The following C8orf34 variants were observed in gnomAD, a reference collection of about 807,000 sequenced individuals.
C8orf34 encodes the protein chromosome 8 open reading frame 34, also known as uncharacterized protein C8orf34.
In C8orf34, 65 loss-of-function variants were observed where a neutral mutation model predicts 68.3. The observed-to-expected ratio is 0.95, with a 90% CI of 0.78 to 1.17. C8orf34 has a LOEUF of 1.17. Among genes scored for constraint, C8orf34 ranks in the 50% most tolerant of loss-of-function variants. The pLI is 0.00. For missense variants in C8orf34, 664 were observed against 655.4 expected (o/e 1.01, Z -0.14); for synonymous variants, 244 against 241.2 (o/e 1.01, Z -0.11).
chr8:68,444,849 T>C (rs963020742), intron 2 of C8orf34, among the ~76,000 whole-genome samples: 2 of 152,182 alleles, frequency 1.3e-5, no homozygotes, highest in African/African-American at 2.4e-5. Flanking sequence ...TTAATATTCC[T>C]TTATATAAAG....
chr8:68,813,404 C>T (rs1170508732), intron 12 of C8orf34, among the ~76,000 whole-genome samples: 1 of 151,840 alleles, frequency 6.6e-6, no homozygotes, highest in East Asian at 1.9e-4. Context: ...TCCTTGGCCA[C>T]CCTCCCTTGC....
intron 10 of C8orf34, among the ~76,000 whole-genome samples, chr8:68,766,605 A>T (rs917371369): frequency 6.6e-6 from 1 of 152,188 alleles, no homozygotes; most frequent in Non-Finnish European, 1.5e-5. Flanking sequence ...AATAAGGAAT[A>T]CCACTTTATC....
chr8:68,789,710 G>GA (rs1237837225), intron 12 of C8orf34, among the ~76,000 whole-genome samples: 1 of 151,996 alleles, frequency 6.6e-6, no homozygotes, highest in Non-Finnish European at 1.5e-5. Flanking sequence ...AAATGAATGA[G>GA]AAAATGAATG....
At chr8:68,400,540 G>T (rs1303712243) in intron 1 of C8orf34, among the ~76,000 whole-genome samples, 1 of 151,974 alleles carries the variant, frequency 6.6e-6, no homozygotes, top group Non-Finnish European at 1.5e-5. Context: ...CAGTTCTGTT[G>T]ATCTATGTGT....
chr8:68,730,064 G>T (rs1303411095), intron 10 of C8orf34, among the ~76,000 whole-genome samples: 1 of 152,132 alleles, frequency 6.6e-6, no homozygotes, highest in Non-Finnish European at 1.5e-5. Flanking sequence ...TTCTTGCAAT[G>T]TCCATCTATA....
intron 7 of C8orf34, among the ~76,000 whole-genome samples, chr8:68,581,539 A>T (rs1316199419): frequency 1.3e-5 from 2 of 152,094 alleles, no homozygotes; most frequent in Non-Finnish European, 2.9e-5. Context: ...AACTCCATTG[A>T]GTGCTAACAA....
intron 7 of C8orf34, among the ~76,000 whole-genome samples, chr8:68,614,199 A>G (rs1175546708): frequency 6.6e-6 from 1 of 152,060 alleles, no homozygotes; most frequent in Non-Finnish European, 1.5e-5. Flanking sequence ...GCCCTTTGTC[A>G]GATGAGTAGG....
At chr8:68,545,378 T>C (rs1160064502) in intron 7 of C8orf34, among the ~76,000 whole-genome samples, 2 of 152,162 alleles carry the variant, frequency 1.3e-5, no homozygotes, top group African/African-American at 4.8e-5. Flanking sequence ...TTTTTCTTTT[T>C]ATAAATTACC....
rs549515709 is a variant in C8orf34, at chr8:68,407,973, C to T, written c.328-31526C>T. On this transcript the variant is annotated intron_variant, in intron 1 of 13. Coordinates refer to ENST00000518698, the MANE Select transcript of C8orf34 (RefSeq NM_052958.4). ...CCCACTGAGCTGGTGTCCCCATCCC[C>T]GGGCCATGGACTGTTACAGGTCCAT... is the stretch of plus-strand genomic sequence containing the variant. Among the ~76,000 whole-genome samples the T allele has an allele frequency of 4.6e-5, 7 of 152,200 alleles. No individual in the cohort carries two copies. In the South Asian group the frequency reaches 6.2e-4, roughly 14 times the overall value.
At chr8:68,672,574 C>T (rs555291159) in intron 8 of C8orf34, among the ~76,000 whole-genome samples, 68 of 152,302 alleles carry the variant, frequency 4.5e-4, no homozygotes, top group South Asian at 1.7e-3. Flanking sequence ...GCATTTAGAC[C>T]AGCCCTAGCT....
At chr8:68,611,842 A>G (rs1818033192) in intron 7 of C8orf34, among the ~76,000 whole-genome samples, 1 of 152,196 alleles carries the variant, frequency 6.6e-6, no homozygotes, top group African/African-American at 2.4e-5. Context: ...ACAAACAACA[A>G]GCAGTGAGCA....
At chr8:68,591,158 A>C (rs1359469928) in intron 7 of C8orf34, among the ~76,000 whole-genome samples, 1 of 152,154 alleles carries the variant, frequency 6.6e-6, no homozygotes, top group Non-Finnish European at 1.5e-5. Flanking sequence ...ATATGGCATG[A>C]AAGGGTCTAA....
At chr8:68,561,983 T>A (rs1816445683) in intron 7 of C8orf34, among the ~76,000 whole-genome samples, 1 of 152,280 alleles carries the variant, frequency 6.6e-6, no homozygotes, top group South Asian at 2.1e-4. Context: ...ACAGTAAATT[T>A]TTTTTAACTA....
At chr8:68,434,207 G>A (rs190590586) in intron 1 of C8orf34, among the ~76,000 whole-genome samples, 36 of 152,200 alleles carry the variant, frequency 2.4e-4, no homozygotes, top group South Asian at 1.5e-3. Flanking sequence ...TTCATGTGCC[G>A]TGGTGATTTG....
At chr8:68,608,272 A>G (rs1381612812) in intron 7 of C8orf34, among the ~76,000 whole-genome samples, 1 of 151,996 alleles carries the variant, frequency 6.6e-6, no homozygotes, top group Non-Finnish European at 1.5e-5. Context: ...CTCTAGAGCT[A>G]TGTAGAGATG....
intron 7 of C8orf34, among the ~76,000 whole-genome samples, chr8:68,627,495 CA>C (rs2130675686): frequency 6.6e-6 from 1 of 152,316 alleles, no homozygotes; most frequent in African/African-American, 2.4e-5. Context: ...GAATTGTTCA[CA>C]ATCTCTAACC....
intron 1 of C8orf34, among the ~76,000 whole-genome samples, chr8:68,349,736 C>T (rs995880849): frequency 2.0e-5 from 3 of 151,796 alleles, no homozygotes; most frequent in Admixed American, 6.6e-5. Flanking sequence ...TTATCTATCT[C>T]TTTTAGGTTT....
intron 1 of C8orf34, among the ~76,000 whole-genome samples, chr8:68,381,762 A>AAAAAAAG (rs1808049070): frequency 6.6e-6 from 1 of 150,408 alleles, no homozygotes; most frequent in African/African-American, 2.4e-5. Context: ...AAAAAAAAAA[A>AAAAAAAG]TAGGTATATT....
At chr8:68,659,988 G>A (rs1429218032) in intron 8 of C8orf34, among the ~76,000 whole-genome samples, 2 of 152,096 alleles carry the variant, frequency 1.3e-5, no homozygotes, top group African/African-American at 2.4e-5. Flanking sequence ...TTTTATTCTT[G>A]TAGTTTACAG....
Sources: gnomAD v4.1 joint callset for allele counts (sites outside exome capture counted in the v4.1 genomes callset) on GRCh38, gnomAD v4.1.1 for gene constraint, MANE v1.5 for transcripts, NCBI Gene and HGNC (gene_info 2026-07-23, HGNC 2026-07-21) for gene names.